The following PRMT7 variants were observed in gnomAD, a reference collection of about 807,000 sequenced individuals.
The protein encoded by PRMT7 is protein arginine methyltransferase 7.
In PRMT7, 75 loss-of-function variants were observed where a neutral mutation model predicts 85.4. The ratio of observed to expected loss-of-function variants is 0.88; its 90% CI spans 0.73 to 1.06. The LOEUF is 1.06. Among genes scored for constraint, PRMT7 ranks in the 50% least tolerant of loss-of-function variants. The pLI is 0.00. For synonymous variants in PRMT7, 397 were observed against 359.5 expected (o/e 1.10, Z -1.18); for missense variants, 868 against 915.2 (o/e 0.95, Z 0.67).
intron 3 of PRMT7, among the ~76,000 whole-genome samples, chr16:68,320,069 C>G (rs1238724012): frequency 6.6e-6 from 1 of 152,168 alleles, no homozygotes; most frequent in African/African-American, 2.4e-5. Flanking sequence ...GCTTCTCTTT[C>G]CCCGGCTGCT....
chr16:68,323,058 A>G (rs1375131162), intron 4 of PRMT7, among the ~76,000 whole-genome samples: 1 of 152,106 alleles, frequency 6.6e-6, no homozygotes, highest in Non-Finnish European at 1.5e-5. Flanking sequence ...GTAAAAACAC[A>G]TAACATAAAC....
Position 68,339,838 on chromosome 16 carries a change from G to T in PRMT7, c.797G>T (p.Arg266Leu). ...VSSSAACHSR[R>L]FEPLTSGRAQ... ...AGCTCAGCAGCCTGCCATAGCAGGC[G>T]GTTTGAACCTCTGACATCTGGCCGA... The change falls in exon 9 of 19, where the codon CGG (arginine) becomes CTG (leucine). Residue 266 changes from arginine (R) to leucine (L), a missense_variant. Coordinates refer to ENST00000441236, the MANE Select transcript of PRMT7 (RefSeq NM_019023.5). 1 of 1,614,084 alleles carries T rather than the reference G, an allele frequency of 6.2e-7. No individual in the cohort carries two copies. Among genetic ancestry groups the T allele is most frequent in the Non-Finnish European group, 8.5e-7 (1 of 1,179,938 alleles).
At chr16:68,321,660 T>G (rs2082513620) in intron 4 of PRMT7, 198 bp downstream of exon 4, 1 of 508,698 alleles carries the variant, frequency 2.0e-6, no homozygotes, top group Admixed American at 3.8e-5. Context: ...TTTATCAAGA[T>G]AGAACTGACA....
chr16:68,322,067 C>A (rs1567645809), intron 4 of PRMT7, among the ~76,000 whole-genome samples: 2 of 152,024 alleles, frequency 1.3e-5, no homozygotes, highest in Admixed American at 6.6e-5. Context: ...CCTGCCTCAA[C>A]CTGCCTAAGT....
intron 12 of PRMT7, 65 bp downstream of exon 12, chr16:68,347,359 G>A (rs775191408): frequency 6.2e-5 from 90 of 1,441,078 alleles, no homozygotes; most frequent in Non-Finnish European, 7.8e-5. Flanking sequence ...TGCGTGGTCC[G>A]GGTGCACAAT....
At chr16:68,354,530 C>G (rs890120104) in intron 16 of PRMT7, 2 of 152,254 alleles carry the variant, frequency 1.3e-5, no homozygotes, top group East Asian at 3.8e-4. Context: ...TGTGTGAACA[C>G]TTTTTTAAGT....
At chr16:68,353,982 T>C (rs1324699200) in intron 16 of PRMT7, among the ~76,000 whole-genome samples, 1 of 152,216 alleles carries the variant, frequency 6.6e-6, no homozygotes, top group Non-Finnish European at 1.5e-5. Context: ...TCCAGAACCA[T>C]GGGCTGTCCT....
In PRMT7 at chr16:68,316,069, T is replaced by G. The variant is rs762421654; in HGVS notation, c.90T>G (p.Ile30Met). Residue 30 changes from isoleucine to methionine, a missense_variant, in exon 3 of 19, where the codon ATT becomes ATG. Ile to Met is a conservative substitution (Grantham distance 10). Coordinates refer to ENST00000441236, the MANE Select transcript of PRMT7 (RefSeq NM_019023.5). Reference protein sequence around the residue: ...EDEHYDYHQEIARSSYADMLH... With the variant: ...EDEHYDYHQEMARSSYADMLH... ...AACACTATGATTACCACCAGGAGAT[T>G]GCAAGGTACTGGGTTGGTTTACAGC... is the stretch of plus-strand genomic sequence containing the variant. The G allele has an allele frequency of 3.1e-6, 5 of 1,613,168 alleles. No individual in the cohort carries two copies. In the African/African-American group the frequency reaches 5.3e-5, roughly 17 times the overall value.
chr16:68,315,115 A>G (rs1415112331), intron 2 of PRMT7: 1 of 150,230 alleles, frequency 6.7e-6, no homozygotes, highest in Non-Finnish European at 1.5e-5. Flanking sequence ...CATCTTTTAA[A>G]AAAAAAAAAA....
chr16:68,320,182 G>A (rs1000240434), intron 3 of PRMT7, among the ~76,000 whole-genome samples: 6 of 152,176 alleles, frequency 3.9e-5, no homozygotes, highest in African/African-American at 1.4e-4. Flanking sequence ...GGAGGAAAAT[G>A]TGTAGTGTAT....
chr16:68,355,884 G>A lies in PRMT7; in HGVS notation c.1811+1G>A, dbSNP rs761006303. The A allele has an allele frequency of 1.3e-6, 2 of 1,589,668 alleles. No individual in the cohort carries two copies. The highest frequency in any genetic ancestry group is 2.3e-5 in the East Asian group (1 of 44,192). On this transcript the variant is annotated splice_donor_variant, in intron 17 of 18. Coordinates refer to ENST00000441236, the MANE Select transcript of PRMT7 (RefSeq NM_019023.5). LOFTEE classifies it high-confidence loss of function. ...CCGAGGGCACCGTGGAGCTCAGAAGGTGGGTGCAGAGAGGGCTGGGGGGCA... is the reference window on the plus strand; with the variant it reads ...CCGAGGGCACCGTGGAGCTCAGAAGATGGGTGCAGAGAGGGCTGGGGGGCA...
At chr16:68,334,981 G>C (rs2084445231) in intron 6 of PRMT7, among the ~76,000 whole-genome samples, 1 of 152,048 alleles carries the variant, frequency 6.6e-6, no homozygotes, top group African/African-American at 2.4e-5. Context: ...ATTTTTAGTA[G>C]AGACAAGGTT....
At chr16:68,328,695 C>T (rs1234201113) in intron 5 of PRMT7, among the ~76,000 whole-genome samples, 3 of 151,864 alleles carry the variant, frequency 2.0e-5, no homozygotes, top group African/African-American at 7.3e-5. Flanking sequence ...AGAGGATGAC[C>T]TACTTACTCA....
Position 68,352,421 on chromosome 16 carries a change from A to T in PRMT7, c.1575+12A>T. On this transcript the variant is annotated intron_variant, in intron 15 of 18. Coordinates refer to ENST00000441236, the MANE Select transcript of PRMT7 (RefSeq NM_019023.5). ...TTGTGGAGTTCAGGGTAGGCCACCCAGGGGATGTTGGAGAAAAAAGCAGAG... is the reference window on the plus strand; with the variant it reads ...TTGTGGAGTTCAGGGTAGGCCACCCTGGGGATGTTGGAGAAAAAAGCAGAG... 1 of 1,578,302 alleles carries T rather than the reference A, an allele frequency of 6.3e-7. No individual in the cohort carries two copies. The highest frequency in any genetic ancestry group is 8.6e-7 in the Non-Finnish European group (1 of 1,164,192).
At position 68,358,563 on chromosome 16, in the gene PRMT7, TAAA is replaced by T. The variant is rs1188780711; in HGVS notation, c.*1343_*1345del. Reference sequence around the variant, plus strand: ...ACAATACAGAAAAAAATACAGAAATTAAAAAAGTTTTTATAACAGTATTTCTAA... The same window carrying T: ...ACAATACAGAAAAAAATACAGAAATTAAAGTTTTTATAACAGTATTTCTAA... On this transcript the variant is annotated 3_prime_UTR_variant, in exon 19 of 19. Transcript: ENST00000441236. 2 of 152,566 alleles carry T rather than the reference TAAA, an allele frequency of 1.3e-5. No homozygotes were observed. Among genetic ancestry groups the T allele is most frequent in the Non-Finnish European group, 2.9e-5 (2 of 68,026 alleles). The allele number at this position is 152,566 out of a possible 1,614,324, so 9.5% of individuals were successfully genotyped here.
At chr16:68,352,065 CTGAGGGAGGGAGGGACTGA>C (rs2087461658) in intron 14 of PRMT7, 164 bp from the exon 15 acceptor site, 2 of 604,074 alleles carry the variant, frequency 3.3e-6, no homozygotes, top group East Asian at 3.0e-5. Context: ...TGTTTGTTGA[CTGAGGGAGGGAGGGACTGA>C]TGAGGGAGGG....
chr16:68,352,228 GCTTCTC>G lies in PRMT7; in HGVS notation c.1414-19_1414-14del, dbSNP rs749608277. The G allele has an allele frequency of 8.1e-6, 13 of 1,610,912 alleles. No individual in the cohort carries two copies. The South Asian group carries it at 1.4e-4, about 18-fold the overall frequency. On this transcript the variant is annotated splice_polypyrimidine_tract_variant and intron_variant, in intron 14 of 18. Coordinates refer to ENST00000441236, the MANE Select transcript of PRMT7 (RefSeq NM_019023.5). ...CGAGCCCTACTGACACCTGGGCCCT[GCTTCTC>G]GCCCATTCACCAGGTCTCTCTCCTC... is the stretch of plus-strand genomic sequence containing the variant.
chr16:68,315,121 AAAAAAAG>A (rs1463330678), intron 2 of PRMT7: 1 of 151,896 alleles, frequency 6.6e-6, no homozygotes, highest in African/African-American at 2.4e-5. Flanking sequence ...TTAAAAAAAA[AAAAAAAG>A]AAAAAGAATG....
intron 4 of PRMT7, chr16:68,323,988 A>C (rs1378221110): frequency 1.3e-5 from 2 of 152,218 alleles, no homozygotes; most frequent in Non-Finnish European, 2.9e-5. Flanking sequence ...AAGCTCTCTG[A>C]GTTAGAGTCG....
Sources: gnomAD v4.1 joint callset for allele counts (sites outside exome capture counted in the v4.1 genomes callset) on GRCh38, gnomAD v4.1.1 for gene constraint, MANE v1.5 for transcripts, NCBI Gene and HGNC (gene_info 2026-07-23, HGNC 2026-07-21) for gene names.